The following ATP10B variants were observed in gnomAD, a reference collection of about 807,000 sequenced individuals.
The protein encoded by ATP10B is phospholipid-transporting ATPase VB.
In ATP10B, 122 loss-of-function variants were observed where a neutral mutation model predicts 141.2. That is an observed-to-expected ratio of 0.86 (90% CI 0.75 to 1.00). The LOEUF (loss-of-function observed/expected upper bound fraction) is 1.00. ATP10B is among the 50% of genes least tolerant of loss of function. The pLI is 0.00. For synonymous variants in ATP10B, 685 were observed against 692.0 expected (o/e 0.99, Z 0.16); for missense variants, 1,876 against 1,825.3 (o/e 1.03, Z -0.51).
chr5:160,781,703 A>C (rs1169078419), intron 2 of ATP10B, among the ~76,000 whole-genome samples: 1 of 152,190 alleles, frequency 6.6e-6, no homozygotes, highest in Non-Finnish European at 1.5e-5. Context: ...TTTGCAATCT[A>C]TAGAATTCAG....
At chr5:160,758,728 ATT>A (rs1768816742) in intron 2 of ATP10B, among the ~76,000 whole-genome samples, 1 of 152,134 alleles carries the variant, frequency 6.6e-6, no homozygotes, top group Non-Finnish European at 1.5e-5. Flanking sequence ...GGGCCTGGTT[ATT>A]CCTCCTGTCC....
the ATP10B span, among the ~76,000 whole-genome samples, chr5:160,857,852 A>G: frequency 6.6e-6 from 1 of 151,888 alleles, no homozygotes; most frequent in Non-Finnish European, 1.5e-5. Flanking sequence ...GGATTTCATT[A>G]TGGTCAGAGA....
At chr5:160,851,479 T>C (rs992527532) in intron 1 of ATP10B, among the ~76,000 whole-genome samples, 1 of 152,148 alleles carries the variant, frequency 6.6e-6, no homozygotes, top group African/African-American at 2.4e-5. Context: ...TTCCCACCTA[T>C]AGTTGAAAAC....
intron 3 of ATP10B, among the ~76,000 whole-genome samples, chr5:160,691,512 G>A (rs1171069436): frequency 3.9e-5 from 6 of 152,098 alleles, no homozygotes; most frequent in African/African-American, 1.4e-4. Context: ...AAAGTTAGAA[G>A]TTGTATATAA....
At chr5:160,717,106 T>G (rs886252988) in intron 2 of ATP10B, 72 bp from the exon 3 acceptor site, 5 of 915,664 alleles carry the variant, frequency 5.5e-6, no homozygotes, top group Non-Finnish European at 6.5e-6. Flanking sequence ...ATATAAGGTT[T>G]AAAACAATGC....
chr5:160,604,705 G>GACACACACACACACACAAAC (rs879589294), intron 19 of ATP10B, among the ~76,000 whole-genome samples: 1 of 151,416 alleles, frequency 6.6e-6, no homozygotes, highest in African/African-American at 2.4e-5. Flanking sequence ...GTAAGGCATA[G>GACACACACACACACACAAAC]ACACACACAC....
At chr5:160,782,384 G>A (rs1449263908) in intron 2 of ATP10B, among the ~76,000 whole-genome samples, 2 of 151,522 alleles carry the variant, frequency 1.3e-5, no homozygotes, top group African/African-American at 4.9e-5. Context: ...GTGTAAAAAT[G>A]TGGCATCAGC....
intron 3 of ATP10B, among the ~76,000 whole-genome samples, chr5:160,706,866 T>A (rs1337720697): frequency 3.9e-5 from 6 of 152,218 alleles, no homozygotes; most frequent in African/African-American, 1.4e-4. Flanking sequence ...CTGGCCTTAG[T>A]GTCACAGTGA....
At chr5:160,822,282 T>G (rs1193431587) in intron 1 of ATP10B, among the ~76,000 whole-genome samples, 1 of 152,042 alleles carries the variant, frequency 6.6e-6, no homozygotes, top group East Asian at 1.9e-4. Context: ...TCACTGATAA[T>G]CAGGGAAATG....
chr5:160,747,995 GAAA>G (rs3075589), intron 2 of ATP10B, among the ~76,000 whole-genome samples: 46,540 of 97,752 alleles, frequency 0.48, 9,647 homozygotes, highest in East Asian at 0.59. Context: ...CATTGAGAGA[GAAA>G]AAAAAAAAAA....
intron 2 of ATP10B, among the ~76,000 whole-genome samples, chr5:160,770,703 G>GA (rs1216828209): frequency 2.0e-5 from 3 of 151,880 alleles, no homozygotes; most frequent in East Asian, 3.9e-4. Flanking sequence ...CACGGTCTTA[G>GA]AAAAAAATGA....
At chr5:160,774,909 G>A (rs1033725424) in intron 2 of ATP10B, among the ~76,000 whole-genome samples, 14 of 152,114 alleles carry the variant, frequency 9.2e-5, no homozygotes, top group African/African-American at 3.4e-4. Flanking sequence ...CCTCACTGGA[G>A]GGAGTGTAAC....
the ATP10B span, among the ~76,000 whole-genome samples, chr5:160,915,742 T>C: frequency 4.6e-5 from 7 of 152,100 alleles, no homozygotes; most frequent in Admixed American, 3.3e-4. Flanking sequence ...TCTGGAGCTG[T>C]AGGGTTTGGA....
At chr5:160,826,245 A>G (rs1319536141) in intron 1 of ATP10B, among the ~76,000 whole-genome samples, 1 of 152,094 alleles carries the variant, frequency 6.6e-6, no homozygotes, top group Non-Finnish European at 1.5e-5. Flanking sequence ...TGCTTTCCAC[A>G]GTGGTTGAAC....
chr5:160,731,404 T>C (rs1766731938), intron 2 of ATP10B, among the ~76,000 whole-genome samples: 1 of 152,238 alleles, frequency 6.6e-6, no homozygotes, highest in African/African-American at 2.4e-5. Flanking sequence ...CTGCTCCTAA[T>C]GGCTTTGCAA....
chr5:160,737,750 C>T (rs1767221741), intron 2 of ATP10B, among the ~76,000 whole-genome samples: 1 of 151,884 alleles, frequency 6.6e-6, no homozygotes, highest in Non-Finnish European at 1.5e-5. Context: ...TTAAAAGGAT[C>T]AATCATTAGG....
At chr5:160,622,313 G>T in intron 14 of ATP10B, 81 bp downstream of exon 14, 1 of 1,410,280 alleles carries the variant, frequency 7.1e-7, no homozygotes, top group South Asian at 1.4e-5. Context: ...TCCCTGATCA[G>T]AACTTCTCCC....
chr5:160,831,756 T>C lies in ATP10B; in HGVS notation c.-576+20185A>G, dbSNP rs993935044. On this transcript the variant is annotated intron_variant, in intron 1 of 25. Transcript: ENST00000327245. ...AGGGAAGAGATTGAAGAAACAAACA[T>C]ATAAATTTATTTTAAAAAGAACAAA... Among the ~76,000 whole-genome samples, 3 of 152,236 alleles carry C rather than the reference T, an allele frequency of 2.0e-5. 1 individual carries two copies. The highest frequency in any genetic ancestry group is 4.1e-4 in the South Asian group (2 of 4,828).
chr5:160,802,587 C>A (rs999918860), intron 1 of ATP10B, among the ~76,000 whole-genome samples: 3 of 152,196 alleles, frequency 2.0e-5, no homozygotes, highest in Admixed American at 1.3e-4. Flanking sequence ...AGGGGAGAAA[C>A]CCTGACTTAG....
Sources: gnomAD v4.1 joint callset for allele counts (sites outside exome capture counted in the v4.1 genomes callset) on GRCh38, gnomAD v4.1.1 for gene constraint, MANE v1.5 for transcripts, NCBI Gene and HGNC (gene_info 2026-07-23, HGNC 2026-07-21) for gene names.